ARAP2: variants seen among roughly 807,000 people sequenced by gnomAD.
ARAP2 encodes ArfGAP with RhoGAP domain, ankyrin repeat and PH domain 2.
ARAP2 carries 148 observed loss-of-function variants against 194.5 expected under a neutral mutation model. The ratio of observed to expected loss-of-function variants is 0.76; its 90% CI spans 0.67 to 0.87. The LOEUF (loss-of-function observed/expected upper bound fraction) is 0.87. Ranked by LOEUF, ARAP2 falls within the 40% of genes least tolerant of loss-of-function variation. The probability of loss-of-function intolerance (pLI) is 0.00; values close to 1 mark genes in which losing one functional copy is unlikely to be tolerated. For synonymous variants in ARAP2, 695 were observed against 683.5 expected (o/e 1.02, Z -0.26); for missense variants, 2,128 against 1,989.7 (o/e 1.07, Z -1.32).
chr4:36,237,782 C>G (rs1005620838), intron 1 of ARAP2, among the ~76,000 whole-genome samples: 1 of 152,192 alleles, frequency 6.6e-6, no homozygotes, highest in Non-Finnish European at 1.5e-5. Flanking sequence ...AATACACCAT[C>G]TTTGCTTTGG....
At chr4:36,110,157 T>C (rs1239137872) in intron 26 of ARAP2, among the ~76,000 whole-genome samples, 3 of 151,858 alleles carry the variant, frequency 2.0e-5, no homozygotes, top group African/African-American at 7.2e-5. Context: ...GCCCAAAATC[T>C]TAACTATTAT....
intron 5 of ARAP2, among the ~76,000 whole-genome samples, chr4:36,030,932 C>A (rs536387269): frequency 4.3e-4 from 66 of 151,908 alleles, no homozygotes; most frequent in African/African-American, 1.5e-3. Flanking sequence ...AAGATCAAGA[C>A]CATCCTGGCC....
chr4:36,120,949 G>A (rs1003699838), intron 23 of ARAP2, among the ~76,000 whole-genome samples: 1 of 151,526 alleles, frequency 6.6e-6, no homozygotes, highest in Non-Finnish European at 1.5e-5. Flanking sequence ...GAAATATTCT[G>A]TCAAACAGAT....
At chr4:36,017,422 G>A (rs987390760) in intron 6 of ARAP2, among the ~76,000 whole-genome samples, 2 of 151,512 alleles carry the variant, frequency 1.3e-5, no homozygotes, top group African/African-American at 4.8e-5. Context: ...GTCAGGTCAT[G>A]ATGAGAAACA....
intron 1 of ARAP2, chr4:36,243,778 T>C (rs1328639568): frequency 6.6e-6 from 1 of 152,276 alleles, no homozygotes; most frequent in Admixed American, 6.5e-5. Context: ...GCCAGTCGTC[T>C]TAACGTGGTT....
At chr4:36,205,985 C>T (rs186511374) in intron 6 of ARAP2, among the ~76,000 whole-genome samples, 6 of 152,344 alleles carry the variant, frequency 3.9e-5, no homozygotes, top group Admixed American at 1.3e-4. Flanking sequence ...TCAAGGATTT[C>T]GGATTCACTT....
intron 6 of ARAP2, among the ~76,000 whole-genome samples, chr4:36,195,592 T>C (rs897330085): frequency 6.6e-6 from 1 of 152,208 alleles, no homozygotes; most frequent in Non-Finnish European, 1.5e-5. Flanking sequence ...CAATTACATA[T>C]ATAATCTTCC....
intron 31 of ARAP2, among the ~76,000 whole-genome samples, chr4:36,079,925 C>G (rs1373106266): frequency 2.6e-5 from 4 of 151,972 alleles, no homozygotes; most frequent in African/African-American, 9.7e-5. Flanking sequence ...TAGAAAAGTC[C>G]CTCTTTCTTA....
At chr4:36,225,564 T>C (rs772295078) in intron 2 of ARAP2, among the ~76,000 whole-genome samples, 7 of 152,066 alleles carry the variant, frequency 4.6e-5, no homozygotes, top group Non-Finnish European at 1.0e-4. Context: ...CCTGAGGTTA[T>C]TGTCCAGGCC....
intron 5 of ARAP2, among the ~76,000 whole-genome samples, chr4:36,034,207 A>C (rs1219369465): frequency 2.0e-5 from 3 of 152,254 alleles, no homozygotes; most frequent in Admixed American, 2.0e-4. Flanking sequence ...TAATAGGAAT[A>C]GCATTGAATC....
At chr4:36,195,344 C>T (rs1040136341) in intron 6 of ARAP2, among the ~76,000 whole-genome samples, 3 of 152,196 alleles carry the variant, frequency 2.0e-5, no homozygotes, top group African/African-American at 7.2e-5. Flanking sequence ...TTTCTAGCAA[C>T]ACAGGGTTCC....
At chr4:36,086,300 C>T (rs1356105172) in intron 28 of ARAP2, among the ~76,000 whole-genome samples, 2 of 152,018 alleles carry the variant, frequency 1.3e-5, no homozygotes, top group African/African-American at 4.8e-5. Flanking sequence ...TTCATGACTG[C>T]CTACATTTTG....
intron 2 of ARAP2, among the ~76,000 whole-genome samples, chr4:36,221,580 A>AT (rs1016581860): frequency 3.3e-5 from 5 of 152,098 alleles, no homozygotes; most frequent in African/African-American, 9.7e-5. Context: ...TTTAAGGAAT[A>AT]TTTTGTTGGT....
intron 1 of ARAP2, among the ~76,000 whole-genome samples, chr4:36,240,559 T>C (rs982930845): frequency 1.1e-4 from 16 of 152,218 alleles, no homozygotes; most frequent in African/African-American, 3.9e-4. Flanking sequence ...AGCCTCACTG[T>C]TGTCATTTGT....
intron 21 of ARAP2, among the ~76,000 whole-genome samples, chr4:36,126,391 A>G (rs941076985): frequency 6.6e-6 from 1 of 152,092 alleles, no homozygotes; most frequent in Non-Finnish European, 1.5e-5. Context: ...ATTGAAAGTA[A>G]AACTCAGGAA....
intron 9 of ARAP2, among the ~76,000 whole-genome samples, chr4:36,169,161 GAATA>G (rs1011109887): frequency 3.3e-5 from 5 of 152,084 alleles, no homozygotes; most frequent in East Asian, 1.9e-4. Context: ...ATAAACTTTA[GAATA>G]AATAAATAAA....
At chr4:36,200,212 A>G (rs916340598) in intron 6 of ARAP2, among the ~76,000 whole-genome samples, 6 of 150,750 alleles carry the variant, frequency 4.0e-5, no homozygotes, top group Admixed American at 2.7e-4. Context: ...CTTTACACTT[A>G]TATCTTTTCT....
intron 2 of ARAP2, among the ~76,000 whole-genome samples, chr4:36,226,311 ATACT>A (rs990452069): frequency 2.0e-5 from 3 of 152,188 alleles, no homozygotes; most frequent in Non-Finnish European, 2.9e-5. Flanking sequence ...CCACTCCAGC[ATACT>A]TACTATTTTG....
At chr4:36,221,746 T>C (rs932176890) in intron 2 of ARAP2, among the ~76,000 whole-genome samples, 1 of 152,176 alleles carries the variant, frequency 6.6e-6, no homozygotes, top group Non-Finnish European at 1.5e-5. Flanking sequence ...AAGTAAGTTG[T>C]TTTGAAAACT....
Sources: gnomAD v4.1 joint callset for allele counts (sites outside exome capture counted in the v4.1 genomes callset) on GRCh38, gnomAD v4.1.1 for gene constraint, MANE v1.5 for transcripts, NCBI Gene and HGNC (gene_info 2026-07-23, HGNC 2026-07-21) for gene names.